PTPRJ: variants seen among roughly 807,000 people sequenced by gnomAD.
PTPRJ encodes protein tyrosine phosphatase receptor type J.
Under a neutral mutation model 141.3 loss-of-function variants are expected in PTPRJ, and 129 were observed. The observed-to-expected ratio is 0.91, with a 90% CI of 0.79 to 1.06. PTPRJ has a LOEUF of 1.06. PTPRJ is among the 50% of genes least tolerant of loss of function. The probability of loss-of-function intolerance (pLI) is 0.00; values close to 1 mark genes in which losing one functional copy is unlikely to be tolerated. For synonymous variants in PTPRJ, 610 were observed against 640.5 expected (o/e 0.95, Z 0.72); for missense variants, 1,601 against 1,679.7 (o/e 0.95, Z 0.82).
chr11:48,003,699 A>G (rs945441363), intron 1 of PTPRJ, among the ~76,000 whole-genome samples: 5 of 152,080 alleles, frequency 3.3e-5, no homozygotes, highest in African/African-American at 1.2e-4. Context: ...TTTCATCATG[A>G]TGGCCAGGCT....
intron 1 of PTPRJ, among the ~76,000 whole-genome samples, chr11:47,985,176 C>T (rs1854017715): frequency 6.6e-6 from 1 of 151,466 alleles, no homozygotes; most frequent in African/African-American, 2.4e-5. Flanking sequence ...GAGACAGGGT[C>T]TTGCTTTGTC....
At chr11:48,159,161 GGTCATTTGCCAAA>G (rs1857700551) in intron 21 of PTPRJ, among the ~76,000 whole-genome samples, 1 of 130,518 alleles carries the variant, frequency 7.7e-6, no homozygotes, top group Admixed American at 7.9e-5. Flanking sequence ...GTGTGTGTGT[GGTCATTTGCCAAA>G]TGGGTATTCA....
chr11:48,160,600 A>G (rs890140776), intron 22 of PTPRJ, among the ~76,000 whole-genome samples: 20 of 152,204 alleles, frequency 1.3e-4, no homozygotes, highest in African/African-American at 4.6e-4. Context: ...AGGCAGTGCC[A>G]TGAAGCAGCA....
At chr11:48,121,300 C>T (rs201977933) in intron 4 of PTPRJ, 34 bp downstream of exon 4, 69 of 1,605,090 alleles carry the variant, frequency 4.3e-5, no homozygotes, top group Admixed American at 6.7e-5. Context: ...TGATGACAAA[C>T]CATTTCTTAT....
At position 48,128,008 on chromosome 11, in the gene PTPRJ, T is replaced by C. The variant is rs1252665209; in HGVS notation, c.1322T>C (p.Ile441Thr). 6.2e-7 allele frequency: 1 copy of C among 1,613,586 alleles called. No individual in the cohort carries two copies. The highest frequency in any genetic ancestry group is 1.3e-5 in the African/African-American group (1 of 74,898). Reference sequence around the variant, plus strand: ...ACAGTGTGTCCTGTCCTAGGTGACATCGAGGGCACGCCGGGCTTCCTCCAA... The same window carrying C: ...ACAGTGTGTCCTGTCCTAGGTGACACCGAGGGCACGCCGGGCTTCCTCCAA... Reference protein sequence around the residue: ...NITVCPVLGDIEGTPGFLQVH... With the variant: ...NITVCPVLGDTEGTPGFLQVH... Residue 441 changes from isoleucine to threonine, a missense_variant, in exon 7 of 25, where the codon ATC (isoleucine) becomes ACC (threonine). Physicochemically the swap from Ile to Thr is moderately conservative, Grantham distance 89. Coordinates refer to ENST00000418331, the MANE Select transcript of PTPRJ (RefSeq NM_002843.4).
chr11:48,083,911 T>C (rs1292191937), intron 1 of PTPRJ, among the ~76,000 whole-genome samples: 2 of 152,226 alleles, frequency 1.3e-5, no homozygotes, highest in East Asian at 1.9e-4. Flanking sequence ...ATAATAATAG[T>C]AAACTATTTG....
rs530120904 is a variant in PTPRJ, at chr11:48,014,988, G to A, written c.96+33980G>A. Among the ~76,000 whole-genome samples, 7 of 152,262 alleles carry A rather than the reference G, an allele frequency of 4.6e-5. No homozygotes were observed. In the East Asian group the frequency reaches 1.4e-3, roughly 29 times the overall value. ...CCCAAAGTGGTGGGATTACAGGTGTGAGCCACTGTCCCAGGCCAGATGGAC... is the reference window on the plus strand; with the variant it reads ...CCCAAAGTGGTGGGATTACAGGTGTAAGCCACTGTCCCAGGCCAGATGGAC... On this transcript the variant is annotated intron_variant, in intron 1 of 24. Transcript: ENST00000418331.
At chr11:48,135,890 A>G in intron 8 of PTPRJ, 149 bp from the exon 9 acceptor site, 1 of 860,148 alleles carries the variant, frequency 1.2e-6, no homozygotes, top group Non-Finnish European at 1.8e-6. Context: ...GAGTGTGTGC[A>G]TTTCTCAGCT....
intron 1 of PTPRJ, among the ~76,000 whole-genome samples, chr11:48,057,628 G>T (rs1421448941): frequency 1.3e-5 from 2 of 152,100 alleles, no homozygotes. Context: ...CAGACCACCT[G>T]AGTGAGAGAA....
intron 1 of PTPRJ, among the ~76,000 whole-genome samples, chr11:48,004,835 C>T (rs1854582464): frequency 6.6e-6 from 1 of 152,098 alleles, no homozygotes; most frequent in African/African-American, 2.4e-5. Context: ...AAATATTAAT[C>T]ATTTTATTGT....
intron 1 of PTPRJ, among the ~76,000 whole-genome samples, chr11:47,993,009 T>TA (rs553217290): frequency 8.5e-4 from 129 of 152,038 alleles, no homozygotes; most frequent in African/African-American, 2.4e-3. Flanking sequence ...CCAGACACAG[T>TA]AAAAAAAACC....
At chr11:48,136,831 A>T (rs976159135) in intron 9 of PTPRJ, among the ~76,000 whole-genome samples, 172 bp from the exon 10 acceptor site, 2 of 152,210 alleles carry the variant, frequency 1.3e-5, no homozygotes, top group Non-Finnish European at 2.9e-5. Context: ...CTTAATCTGT[A>T]TAATTATTTT....
chr11:48,149,996 A>C lies in PTPRJ; in HGVS notation c.3048A>C (p.Lys1016Asn). The change falls in exon 17 of 25, where the codon AAA (lysine) becomes AAC (asparagine). Residue 1016 changes from lysine (K) to asparagine (N), a missense_variant and splice_region_variant. Coordinates refer to ENST00000418331, the MANE Select transcript of PTPRJ (RefSeq NM_002843.4). ...TTCCCTTTCTATCATGAAGACCTAA[A>C]AAGTGAGTAATCTCTTTATTTTTTT... is the stretch of plus-strand genomic sequence containing the variant. Reference protein sequence around the residue: ...NEVSFSQIKPKKSKLIRVENF... With the variant: ...NEVSFSQIKPNKSKLIRVENF... 6.7e-7 allele frequency: 1 copy of C among 1,482,882 alleles called. No homozygotes were observed. 91.9% of individuals were successfully genotyped at this position (1,482,882 alleles called of 1,614,324 possible).
At chr11:48,086,154 GC>G (rs1393978304) in intron 1 of PTPRJ, among the ~76,000 whole-genome samples, 1 of 152,070 alleles carries the variant, frequency 6.6e-6, no homozygotes, top group Non-Finnish European at 1.5e-5. Context: ...TGTGAGGCAG[GC>G]AAAAAGGACA....
chr11:47,992,883 T>C (rs1427716412), intron 1 of PTPRJ, among the ~76,000 whole-genome samples: 1 of 152,166 alleles, frequency 6.6e-6, no homozygotes, highest in Admixed American at 6.5e-5. Flanking sequence ...CTAAATTGCA[T>C]ATAAAATGAA....
At chr11:48,100,741 G>A (rs1452814873) in intron 1 of PTPRJ, among the ~76,000 whole-genome samples, 1 of 152,166 alleles carries the variant, frequency 6.6e-6, no homozygotes, top group African/African-American at 2.4e-5. Flanking sequence ...AATTAGCTGG[G>A]TGTAGTGGCA....
intron 18 of PTPRJ, among the ~76,000 whole-genome samples, chr11:48,150,613 T>C (rs1449490201): frequency 6.6e-6 from 1 of 152,156 alleles, no homozygotes; most frequent in Non-Finnish European, 1.5e-5. Context: ...TAGGAAGCTA[T>C]ATGAGCTGGA....
chr11:48,040,768 A>G (rs2134235872), intron 1 of PTPRJ, among the ~76,000 whole-genome samples: 1 of 151,960 alleles, frequency 6.6e-6, no homozygotes, highest in East Asian at 1.9e-4. Context: ...TGCCCGGCTA[A>G]TTTTTGTAAT....
chr11:48,149,373 A>T (rs1299681682), intron 15 of PTPRJ, 74 bp from the exon 16 acceptor site: 2 of 998,096 alleles, frequency 2.0e-6, no homozygotes, highest in Non-Finnish European at 3.1e-6. Context: ...GATGACATCA[A>T]CTCCAGATAC....
Sources: gnomAD v4.1 joint callset for allele counts (sites outside exome capture counted in the v4.1 genomes callset) on GRCh38, gnomAD v4.1.1 for gene constraint, MANE v1.5 for transcripts, NCBI Gene and HGNC (gene_info 2026-07-23, HGNC 2026-07-21) for gene names.